Variants in FLVCR2 observed in about 807,000 individuals in gnomAD.
FLVCR2 encodes FLVCR choline and putative heme transporter 2.
A neutral mutation model predicts 48.9 loss-of-function variants in FLVCR2; 38 were observed. That is an observed-to-expected ratio of 0.78 (90% CI 0.60 to 1.02). FLVCR2 has a LOEUF of 1.02. Ranked by LOEUF, FLVCR2 falls within the 50% of genes least tolerant of loss-of-function variation. The pLI is 0.00. For missense variants in FLVCR2, 664 were observed against 663.3 expected (o/e 1.00, Z -0.01); for synonymous variants, 255 against 257.0 (o/e 0.99, Z 0.07).
rs374709682 is a variant in FLVCR2, at chr14:75,633,619, C to T, written c.953-10C>T. 9.9e-6 allele frequency: 16 copies of T among 1,612,160 alleles called. No individual in the cohort carries two copies. The African/African-American group carries it at 1.7e-4, about 17-fold the overall frequency. ...GACCCTAATGTTGTATTTCTCGCTC[C>T]CTTCTTCAGGTCTGAATGCTGGTGC... is the stretch of plus-strand genomic sequence containing the variant. On this transcript the variant is annotated splice_polypyrimidine_tract_variant and intron_variant, in intron 3 of 9. Transcript: ENST00000238667.
At chr14:75,614,059 G>A (rs1481602417) in intron 1 of FLVCR2, among the ~76,000 whole-genome samples, 1 of 152,220 alleles carries the variant, frequency 6.6e-6, no homozygotes, top group Non-Finnish European at 1.5e-5. Flanking sequence ...ACTGTATCAT[G>A]TAAAACATCC....
At position 75,584,245 on chromosome 14, in the gene FLVCR2, G is replaced by A. The variant is rs532549071; in HGVS notation, c.669+4604G>A. The stretch of plus-strand genomic sequence containing the variant: ...TGGTTGTGGGCTGTCTTACAGCAGA[G>A]GCAAGTAGCTGTAACTCAGAAATGT... On this transcript the variant is annotated intron_variant, in intron 1 of 9. Transcript: ENST00000238667. Among the ~76,000 whole-genome samples, 5 of 152,308 alleles carry A rather than the reference G, an allele frequency of 3.3e-5. No individual in the cohort carries two copies. The East Asian group carries it at 9.6e-4, about 29-fold the overall frequency.
rs573951578 is a variant in FLVCR2 at position 75,641,036 on chromosome 14, C to T, written c.1317C>T (p.Ser439=). Reference sequence around the variant, plus strand: ...ACCCAGAATCAGAAGGCATCTCCTCCGGCCTCCTCAACATATCTGCACAGG... The same window carrying T: ...ACCCAGAATCAGAAGGCATCTCCTCTGGCCTCCTCAACATATCTGCACAGG... The part of the protein sequence containing the change: ...LTYPESEGIS[S]GLLNISAQVF... The change falls in exon 7 of 10, where the codon TCC becomes TCT. Residue 439 remains serine (S), a synonymous_variant. Transcript: ENST00000238667. The T allele has an allele frequency of 3.5e-5, 56 of 1,613,828 alleles. No individual in the cohort carries two copies. The highest frequency in any genetic ancestry group is 1.3e-4 in the African/African-American group (10 of 75,002).
At chr14:75,646,354 G>A (rs1825848598) in intron 9 of FLVCR2, 47 bp from the exon 10 acceptor site, 1 of 1,372,296 alleles carries the variant, frequency 7.3e-7, no homozygotes, top group Non-Finnish European at 1.0e-6. Flanking sequence ...CCAGGGTGGA[G>A]TGCTGTGCCT....
At chr14:75,624,075 A>G (rs1021072543) in intron 2 of FLVCR2, among the ~76,000 whole-genome samples, 5 of 151,766 alleles carry the variant, frequency 3.3e-5, no homozygotes, top group African/African-American at 1.2e-4. Flanking sequence ...AAGCAGAAGT[A>G]ATCAGTCCGG....
chr14:75,594,692 A>C (rs1888972782), intron 1 of FLVCR2, among the ~76,000 whole-genome samples: 1 of 151,768 alleles, frequency 6.6e-6, no homozygotes, highest in African/African-American at 2.4e-5. Flanking sequence ...CATAATAATG[A>C]GTCCACTCCT....
intron 9 of FLVCR2, among the ~76,000 whole-genome samples, chr14:75,644,152 A>AT (rs33918024): frequency 0.92 from 139,872 of 152,276 alleles, 64,423 homozygotes; most frequent in African/African-American, 0.98. Context: ...GTGACATAAG[A>AT]TTTGCTGTGT....
At chr14:75,612,165 A>G (rs1437979513) in intron 1 of FLVCR2, among the ~76,000 whole-genome samples, 1 of 152,070 alleles carries the variant, frequency 6.6e-6, no homozygotes, top group East Asian at 1.9e-4. Flanking sequence ...GAGTATATAT[A>G]TTTATAGGGT....
chr14:75,612,183 GCA>G (rs140729219), intron 1 of FLVCR2, among the ~76,000 whole-genome samples: 3,886 of 152,308 alleles, frequency 0.026, 94 homozygotes, highest in Non-Finnish European at 0.037. Flanking sequence ...GGTGCTTTGA[GCA>G]CAGTGTATCA....
At chr14:75,584,802 A>G (rs560444691) in intron 1 of FLVCR2, among the ~76,000 whole-genome samples, 3 of 152,358 alleles carry the variant, frequency 2.0e-5, no homozygotes, top group Admixed American at 2.0e-4. Flanking sequence ...GTTAAATTAT[A>G]GGACAGAGTT....
intron 3 of FLVCR2, chr14:75,631,814 C>T (rs767452743): frequency 4.4e-6 from 2 of 456,062 alleles, no homozygotes; most frequent in South Asian, 3.1e-5. Context: ...AATGGACTTT[C>T]TAAGTGGCTG....
At chr14:75,592,715 A>AT (rs1357205584) in intron 1 of FLVCR2, among the ~76,000 whole-genome samples, 54 of 152,238 alleles carry the variant, frequency 3.5e-4, no homozygotes, top group African/African-American at 1.2e-3. Flanking sequence ...TAGGCCGGGC[A>AT]TGGTGGCTCA....
intron 1 of FLVCR2, among the ~76,000 whole-genome samples, chr14:75,593,138 C>T (rs1888926840): frequency 6.6e-6 from 1 of 152,142 alleles, no homozygotes; most frequent in Admixed American, 6.5e-5. Context: ...CTGTTCACAG[C>T]AATTCAGGTG....
chr14:75,578,854 C>A lies in FLVCR2; in HGVS notation c.-119C>A. The A allele has an allele frequency of 1.1e-6, 1 of 920,568 alleles. No individual in the cohort carries two copies. Among genetic ancestry groups the A allele is most frequent in the South Asian group, 1.4e-5 (1 of 72,640 alleles). The allele number at this position is 920,568 out of a possible 1,614,324, so 57.0% of individuals were successfully genotyped here. On this transcript the variant is annotated 5_prime_UTR_variant, in exon 1 of 10. In the 5' UTR this introduces an upstream ATG that the reference lacks. Coordinates refer to ENST00000238667, the MANE Select transcript of FLVCR2 (RefSeq NM_017791.3). ...GAGGCTTTTACGCAGCCTCTAGTCT[C>A]TGTTTCTTCTGGAATAGGCAAGTGT... is the stretch of plus-strand genomic sequence containing the variant.
intron 1 of FLVCR2, among the ~76,000 whole-genome samples, chr14:75,581,541 G>A (rs988237497): frequency 6.6e-6 from 1 of 152,128 alleles, no homozygotes; most frequent in Non-Finnish European, 1.5e-5. Context: ...AGGCTGGTCC[G>A]TTATTGGACT....
chr14:75,606,947 A>G (rs79782015), intron 1 of FLVCR2, among the ~76,000 whole-genome samples: 3 of 146,318 alleles, frequency 2.1e-5, no homozygotes, highest in Non-Finnish European at 4.5e-5. Flanking sequence ...CTGTCTTAAG[A>G]AAAAAAAAAA....
intron 9 of FLVCR2, 51 bp downstream of exon 9, chr14:75,641,949 A>G: frequency 6.5e-7 from 1 of 1,536,590 alleles, no homozygotes. Context: ...AAGGCTTTTG[A>G]TGAGGATGTG....
chr14:75,617,041 G>A (rs921643694), intron 1 of FLVCR2, among the ~76,000 whole-genome samples: 3 of 152,204 alleles, frequency 2.0e-5, no homozygotes, highest in Non-Finnish European at 4.4e-5. Flanking sequence ...ATTCAATTGT[G>A]ACTTAGGGCT....
intron 3 of FLVCR2, chr14:75,631,886 T>A: frequency 2.2e-6 from 1 of 455,424 alleles, no homozygotes; most frequent in Non-Finnish European, 4.4e-6. Flanking sequence ...GAGAGCCTCA[T>A]GATCATTGCA....
Sources: allele counts gnomAD v4.1 joint callset (sites outside exome capture counted in the v4.1 genomes callset), GRCh38; gene constraint gnomAD v4.1.1; transcripts MANE v1.5; gene names NCBI Gene and HGNC (gene_info 2026-07-23, HGNC 2026-07-21).